Variants in FGFR2 observed in about 807,000 individuals in gnomAD.
FGFR2 encodes the protein BEK fibroblast growth factor receptor.
Under a neutral mutation model 95.9 loss-of-function variants are expected in FGFR2, and 19 were observed. The observed-to-expected ratio is 0.20, with a 90% CI of 0.14 to 0.29. The LOEUF (loss-of-function observed/expected upper bound fraction) is 0.29, where lower values mean the gene tolerates loss of function less well. Among genes scored for constraint, FGFR2 ranks in the 10% least tolerant of loss-of-function variants. The probability of loss-of-function intolerance (pLI) is 1.00; values close to 1 mark genes in which losing one functional copy is unlikely to be tolerated. For missense variants in FGFR2, 707 were observed against 1,056.9 expected (o/e 0.67, Z 4.59); for synonymous variants, 392 against 393.3 (o/e 1.00, Z 0.04).
intron 6 of FGFR2, among the ~76,000 whole-genome samples, chr10:121,528,975 G>A (rs1353015514): frequency 6.6e-6 from 1 of 152,194 alleles, no homozygotes; most frequent in Non-Finnish European, 1.5e-5. Context: ...TGCCCAGGCT[G>A]GAGTGCAATG....
At position 121,550,460 on chromosome 10, in the gene FGFR2, T is replaced by C. The variant is rs75169799; in HGVS notation, c.624+830A>G. On this transcript the variant is annotated intron_variant, in intron 5 of 17. Transcript: ENST00000358487. ...GCATCTGCAGGGAGACAGCTGCCAATTTCAAACTCCCTAGGGAGTGATGAG... is the reference window on the plus strand; with the variant it reads ...GCATCTGCAGGGAGACAGCTGCCAACTTCAAACTCCCTAGGGAGTGATGAG... Among the ~76,000 whole-genome samples the C allele has an allele frequency of 1.8e-3, 278 of 152,276 alleles. 5 individuals carry two copies. In the East Asian group the frequency reaches 0.033, roughly 18 times the overall value.
intron 2 of FGFR2, among the ~76,000 whole-genome samples, chr10:121,591,009 A>ACACACG (rs568276960): frequency 1.4e-5 from 2 of 142,618 alleles, no homozygotes; most frequent in African/African-American, 5.3e-5. Flanking sequence ...ACACACACGC[A>ACACACG]CACTCTCTCT....
chr10:121,538,989 G>A (rs541960155), intron 5 of FGFR2, among the ~76,000 whole-genome samples: 3 of 152,266 alleles, frequency 2.0e-5, no homozygotes, highest in Admixed American at 6.5e-5. Flanking sequence ...TGGATTTGAG[G>A]GCTCCTCTAG....
chr10:121,507,142 G>A (rs964574023), intron 9 of FGFR2, among the ~76,000 whole-genome samples: 2 of 152,140 alleles, frequency 1.3e-5, no homozygotes, highest in African/African-American at 2.4e-5. Flanking sequence ...ATGAGGCCCC[G>A]CATTAGGCAG....
In FGFR2 at chr10:121,597,886, C is replaced by G. The variant is rs938849563; in HGVS notation, c.-151+76G>C. The G allele has an allele frequency of 6.2e-5, 24 of 387,366 alleles. No homozygotes were observed. The Admixed American group carries it at 7.2e-4, about 12-fold the overall frequency. 24.0% of individuals were successfully genotyped at this position (387,366 alleles called of 1,614,324 possible). A position where few individuals can be genotyped will look rare whatever the true frequency, so the allele number is the denominator to read the frequency against. ...CGCCCCCCGCCCGGAGGACGGTGCA[C>G]CCGGCGTCCCGGGCTCCCGTGGCGC... On this transcript the variant is annotated intron_variant, in intron 1 of 17. Coordinates refer to ENST00000358487, the MANE Select transcript of FGFR2 (RefSeq NM_000141.5).
intron 2 of FGFR2, among the ~76,000 whole-genome samples, chr10:121,573,862 T>A (rs1859263786): frequency 6.6e-6 from 1 of 152,060 alleles, no homozygotes; most frequent in Non-Finnish European, 1.5e-5. Context: ...CTCCCACACC[T>A]CCTGCCACCT....
intron 2 of FGFR2, among the ~76,000 whole-genome samples, chr10:121,585,960 T>C (rs935102683): frequency 2.0e-5 from 3 of 152,230 alleles, no homozygotes; most frequent in Non-Finnish European, 2.9e-5. Flanking sequence ...ATCTGAACTT[T>C]AAGGGTGTTC....
At chr10:121,538,281 C>T (rs1853148068) in intron 6 of FGFR2, 3 of 755,580 alleles carry the variant, frequency 4.0e-6, no homozygotes, top group Non-Finnish European at 7.4e-6. Flanking sequence ...GTACCCTTTT[C>T]ACCTGCCCAA....
intron 6 of FGFR2, among the ~76,000 whole-genome samples, chr10:121,530,632 C>T (rs2134467571): frequency 6.6e-6 from 1 of 152,244 alleles, no homozygotes; most frequent in South Asian, 2.1e-4. Flanking sequence ...ATAAAACTTC[C>T]CAACTGAGGT....
intron 5 of FGFR2, among the ~76,000 whole-genome samples, chr10:121,549,305 T>C (rs1265303302): frequency 1.3e-5 from 2 of 152,208 alleles, no homozygotes; most frequent in African/African-American, 4.8e-5. Flanking sequence ...AGGAGGCTCA[T>C]TTACCTACAG....
At chr10:121,570,799 T>C (rs1416610267) in intron 2 of FGFR2, among the ~76,000 whole-genome samples, 3 of 152,224 alleles carry the variant, frequency 2.0e-5, no homozygotes, top group African/African-American at 7.2e-5. Flanking sequence ...TCTTTGTCAC[T>C]GTTTCCTAAA....
intron 7 of FGFR2, among the ~76,000 whole-genome samples, chr10:121,519,384 A>G (rs554990439): frequency 6.6e-6 from 1 of 152,324 alleles, no homozygotes; most frequent in East Asian, 1.9e-4. Context: ...TCCTTGTTCA[A>G]CATTTCACTG....
chr10:121,483,620 G>A (rs1462867748), intron 17 of FGFR2, 78 bp downstream of exon 17: 19 of 1,014,864 alleles, frequency 1.9e-5, no homozygotes, highest in African/African-American at 1.6e-4. Flanking sequence ...ACAGCCAACA[G>A]GGGAGTGTGT....
chr10:121,503,880 C>T lies in FGFR2; in HGVS notation c.1349G>A (p.Arg450His), dbSNP rs773245022. The change falls in exon 10 of 18, where the codon CGC becomes CAC. Residue 450 changes from arginine (R) to histidine (H), a missense_variant. Physicochemically the swap from Arg to His is conservative, Grantham distance 29 (BLOSUM62 0). Around this residue, in one of 7 missense-constraint regions of FGFR2, gnomAD observed 194 missense variants for 267.3 expected, o/e 0.73. Transcript: ENST00000358487. ...GGGGGTGTCTGCCGTTGAAGAGAGG[C>T]GTGTTGTTATCCTCACCAGCGGGGT... The part of the protein sequence containing the change: ...SNTPLVRITT[R>H]LSSTADTPML... 2.2e-5 allele frequency: 35 copies of T among 1,613,908 alleles called. No homozygotes were observed. The East Asian group carries it at 5.6e-4, about 26-fold the overall frequency.
intron 6 of FGFR2, among the ~76,000 whole-genome samples, chr10:121,520,908 G>T (rs578003700): frequency 6.6e-6 from 1 of 152,350 alleles, no homozygotes; most frequent in South Asian, 2.1e-4. Flanking sequence ...CTCCCAAATT[G>T]CTGGGATTAC....
At chr10:121,482,284 C>A (rs752217862) in intron 17 of FGFR2, 137 of 926,474 alleles carry the variant, frequency 1.5e-4, no homozygotes, top group Non-Finnish European at 2.3e-4. Flanking sequence ...TTTCTTCCCC[C>A]CCTTGAACCG....
chr10:121,513,268 T>C (rs1026548315), intron 9 of FGFR2, among the ~76,000 whole-genome samples: 1 of 152,214 alleles, frequency 6.6e-6, no homozygotes, highest in African/African-American at 2.4e-5. Context: ...CAACTTCCAA[T>C]GTCTGCCCTC....
rs2912774 is a variant in FGFR2, at chr10:121,589,148, T to A, written c.109+4561A>T. ...ACACCAGCTATATTTCCTACCTAGC[T>A]TAACAGCCAGGCACCCAAAAATCAA... On this transcript the variant is annotated intron_variant, in intron 2 of 17. Transcript: ENST00000358487. Among the ~76,000 whole-genome samples, 263 of 152,076 alleles carry A rather than the reference T, an allele frequency of 1.7e-3. 2 individuals are homozygous for A. Among genetic ancestry groups the A allele is most frequent in the East Asian group, 0.011 (58 of 5,170 alleles).
In FGFR2 at chr10:121,517,549, G is replaced by T; in HGVS notation, c.940-86C>A. 3 of 1,484,366 alleles carry T rather than the reference G, an allele frequency of 2.0e-6. No individual in the cohort carries two copies. The highest frequency in any genetic ancestry group is 2.8e-6 in the Non-Finnish European group (3 of 1,072,316). 91.9% of individuals were successfully genotyped at this position (1,484,366 alleles called of 1,614,324 possible). On this transcript the variant is annotated intron_variant, in intron 7 of 17. Coordinates refer to ENST00000358487, the MANE Select transcript of FGFR2 (RefSeq NM_000141.5). The surrounding 1 kb of genome is among the most constrained non-coding windows in gnomAD (Gnocchi z 4.7). ...CTGTGGAACCACAAGGCGTCGCACCGGGGGCTTCAGGGGGTGCTGGCCACT... is the reference window on the plus strand; with the variant it reads ...CTGTGGAACCACAAGGCGTCGCACCTGGGGCTTCAGGGGGTGCTGGCCACT...
Sources: gnomAD v4.1 joint callset for allele counts (sites outside exome capture counted in the v4.1 genomes callset) on GRCh38, gnomAD v4.1.1 for gene constraint, gnomAD v4.1.1 regional missense constraint, Gnocchi (gnomAD v3.1) non-coding constraint, MANE v1.5 for transcripts, NCBI Gene and HGNC (gene_info 2026-07-23, HGNC 2026-07-21) for gene names.